ZCCHC7: variants seen among roughly 807,000 people sequenced by gnomAD.
ZCCHC7 encodes zinc finger CCHC domain-containing protein 7.
In ZCCHC7, 35 loss-of-function variants were observed where a neutral mutation model predicts 52.0. That is an observed-to-expected ratio of 0.67 (90% CI 0.51 to 0.89). The LOEUF is 0.89. Ranked by LOEUF, ZCCHC7 falls within the 40% of genes least tolerant of loss-of-function variation. The pLI is 0.00. For missense variants in ZCCHC7, 574 were observed against 649.1 expected (o/e 0.88, Z 1.26); for synonymous variants, 217 against 221.5 (o/e 0.98, Z 0.18).
chr9:37,207,497 GTTTTT>G (rs3074709), intron 2 of ZCCHC7, among the ~76,000 whole-genome samples: 1 of 94,138 alleles, frequency 1.1e-5, no homozygotes, highest in Admixed American at 1.0e-4. Flanking sequence ...TTTCTCCAGA[GTTTTT>G]TTTTTTTTTT....
At chr9:37,141,073 T>C (rs1389215135) in intron 2 of ZCCHC7, among the ~76,000 whole-genome samples, 1 of 151,968 alleles carries the variant, frequency 6.6e-6, no homozygotes, top group Non-Finnish European at 1.5e-5. Flanking sequence ...TTTGGAAATC[T>C]CAAAAGATCT....
At chr9:37,341,982 G>GA (rs777244732) in intron 6 of ZCCHC7, among the ~76,000 whole-genome samples, 1 of 152,176 alleles carries the variant, frequency 6.6e-6, no homozygotes, top group Non-Finnish European at 1.5e-5. Context: ...TCTGAGATGA[G>GA]AAGCTGTTAG....
At chr9:37,224,379 TA>T (rs1824987302) in intron 2 of ZCCHC7, among the ~76,000 whole-genome samples, 1 of 152,218 alleles carries the variant, frequency 6.6e-6, no homozygotes, top group Non-Finnish European at 1.5e-5. Flanking sequence ...GTCATGTGTG[TA>T]TATGTGTGTA....
intron 5 of ZCCHC7, among the ~76,000 whole-genome samples, chr9:37,312,335 A>C (rs1197589771): frequency 6.6e-6 from 1 of 152,198 alleles, no homozygotes; most frequent in Non-Finnish European, 1.5e-5. Flanking sequence ...TATGCCAGAC[A>C]GTATTCCAAG....
chr9:37,163,230 A>G (rs560151740), intron 2 of ZCCHC7, among the ~76,000 whole-genome samples: 1 of 151,636 alleles, frequency 6.6e-6, no homozygotes, highest in Non-Finnish European at 1.5e-5. Context: ...ACAAAAAAAA[A>G]CAAAAAGTAT....
At chr9:37,305,079 C>G (rs1311445487) in intron 4 of ZCCHC7, among the ~76,000 whole-genome samples, 3 of 152,198 alleles carry the variant, frequency 2.0e-5, no homozygotes, top group Non-Finnish European at 2.9e-5. Flanking sequence ...TTAGACGTTT[C>G]CTGACCAGAT....
intron 2 of ZCCHC7, among the ~76,000 whole-genome samples, chr9:37,297,054 C>T (rs1828822612): frequency 6.6e-6 from 1 of 152,152 alleles, no homozygotes. Flanking sequence ...GTTTTAGAAG[C>T]TATCTTACAT....
At position 37,169,978 on chromosome 9, in the gene ZCCHC7, C is replaced by T. The variant is rs979368133; in HGVS notation, c.610+43036C>T. On this transcript the variant is annotated intron_variant, in intron 2 of 8. Transcript: ENST00000336755. ...CTCAAGAGGCTGAGGCTGGAGGGAT[C>T]GCTTGAGCCCAGGAAGTTGAGACTG... Among the ~76,000 whole-genome samples the T allele has an allele frequency of 5.3e-5, 8 of 151,568 alleles. 1 individual carries two copies. The highest frequency in any genetic ancestry group is 8.8e-5 in the Non-Finnish European group (6 of 67,950).
At chr9:37,319,301 A>G (rs1303476605) in intron 5 of ZCCHC7, among the ~76,000 whole-genome samples, 6 of 152,016 alleles carry the variant, frequency 3.9e-5, no homozygotes, top group African/African-American at 1.4e-4. Flanking sequence ...ATTTCAAAAT[A>G]TTTTTTTCTA....
At chr9:37,276,790 C>T (rs183842069) in intron 2 of ZCCHC7, among the ~76,000 whole-genome samples, 14 of 152,272 alleles carry the variant, frequency 9.2e-5, no homozygotes, top group African/African-American at 2.9e-4. Context: ...AGAGGATTTA[C>T]ACTGAATATG....
chr9:37,349,563 A>G, intron 7 of ZCCHC7, 111 bp downstream of exon 7: 1 of 1,025,990 alleles, frequency 9.7e-7, no homozygotes, highest in African/African-American at 1.6e-5. Flanking sequence ...AATAAACATT[A>G]AAGTAAGACT....
At chr9:37,142,751 G>A (rs887030599) in intron 2 of ZCCHC7, among the ~76,000 whole-genome samples, 4 of 151,578 alleles carry the variant, frequency 2.6e-5, no homozygotes, top group Non-Finnish European at 5.9e-5. Flanking sequence ...ATTTTAAAAG[G>A]TGTATTGTAA....
At chr9:37,234,251 A>G (rs1216954851) in intron 2 of ZCCHC7, among the ~76,000 whole-genome samples, 1 of 152,212 alleles carries the variant, frequency 6.6e-6, no homozygotes, top group Non-Finnish European at 1.5e-5. Context: ...TAGAGGTCCA[A>G]GCATTAACAC....
At chr9:37,131,168 G>C (rs368132809) in intron 2 of ZCCHC7, among the ~76,000 whole-genome samples, 2 of 151,226 alleles carry the variant, frequency 1.3e-5, no homozygotes, top group Non-Finnish European at 2.9e-5. Context: ...GTGAAACCCC[G>C]TCTCTACTAA....
At chr9:37,173,060 C>T (rs116544819) in intron 2 of ZCCHC7, among the ~76,000 whole-genome samples, 7,617 of 145,820 alleles carry the variant, frequency 0.052, 624 homozygotes, top group African/African-American at 0.18. Context: ...GAGTGAGCAA[C>T]GTGGGCATTC....
chr9:37,354,657 G>A lies in ZCCHC7; in HGVS notation c.1084-53G>A, dbSNP rs906385450. The A allele has an allele frequency of 2.0e-5, 27 of 1,325,838 alleles. No individual in the cohort carries two copies. In the Admixed American group the frequency reaches 4.8e-4, roughly 24 times the overall value. 82.1% of individuals were successfully genotyped at this position (1,325,838 alleles called of 1,614,324 possible). On this transcript the variant is annotated intron_variant, in intron 7 of 8. Coordinates refer to ENST00000336755, the MANE Select transcript of ZCCHC7 (RefSeq NM_032226.3). This position sits in a 1 kb window ranked among gnomAD's most constrained non-coding sequence, Gnocchi z 4.0. Reference sequence around the variant, plus strand: ...AACATGCTCCAGAATCTTGCAAAAAGGTTTTTGAACAGTGTGACCATGTGA... The same window carrying A: ...AACATGCTCCAGAATCTTGCAAAAAAGTTTTTGAACAGTGTGACCATGTGA...
chr9:37,250,606 TTCTC>T (rs1241514572), intron 2 of ZCCHC7, among the ~76,000 whole-genome samples: 1 of 152,064 alleles, frequency 6.6e-6, no homozygotes, highest in South Asian at 2.1e-4. Context: ...CTGGCCTCTC[TTCTC>T]TCTCTCTCAC....
rs111287297 is a variant in ZCCHC7, at chr9:37,310,612, T to G, written c.951+4898T>G. 5.9e-5 allele frequency among the ~76,000 whole-genome samples: 9 copies of G among 152,302 alleles called. 1 individual carries two copies. Among genetic ancestry groups the G allele is most frequent in the African/African-American group, 1.9e-4 (8 of 41,566 alleles). On this transcript the variant is annotated intron_variant, in intron 5 of 8. Transcript: ENST00000336755. ...TCTAAAAGCTAAAATGATGCTATAC[T>G]TTATGACTATGTGGAGAAAGCTTAC...
chr9:37,329,938 T>G (rs1182859759), intron 6 of ZCCHC7, among the ~76,000 whole-genome samples: 1 of 151,852 alleles, frequency 6.6e-6, no homozygotes. Context: ...AATTACTTTT[T>G]CTAACCAAAA....
Sources: gnomAD v4.1 joint callset for allele counts (sites outside exome capture counted in the v4.1 genomes callset) on GRCh38, gnomAD v4.1.1 for gene constraint, Gnocchi (gnomAD v3.1) non-coding constraint, MANE v1.5 for transcripts, NCBI Gene and HGNC (gene_info 2026-07-23, HGNC 2026-07-21) for gene names.